ANKRD62: variants seen among roughly 807,000 people sequenced by gnomAD.
The protein encoded by ANKRD62 is ankyrin repeat domain-containing protein 62.
Under a neutral mutation model 98.8 loss-of-function variants are expected in ANKRD62, and 61 were observed. The ratio of observed to expected loss-of-function variants is 0.62; its 90% confidence interval spans 0.50 to 0.76. The LOEUF (loss-of-function observed/expected upper bound fraction) is 0.76. Ranked by LOEUF, ANKRD62 falls within the 30% of genes least tolerant of loss-of-function variation. The probability of loss-of-function intolerance (pLI) is 0.00; values close to 1 mark genes in which losing one functional copy is unlikely to be tolerated. For missense variants in ANKRD62, 933 were observed against 1,082.9 expected (o/e 0.86, Z 1.94); for synonymous variants, 341 against 367.9 (o/e 0.93, Z 0.84).
At chr18:12,107,507 T>C in intron 8 of ANKRD62, 40 bp downstream of exon 8, 1 of 1,340,750 alleles carries the variant, frequency 7.5e-7, no homozygotes, top group Non-Finnish European at 9.6e-7. Flanking sequence ...TCACTGTTAA[T>C]TGTACTATAA....
At chr18:12,138,983 T>G in the ANKRD62 span, among the ~76,000 whole-genome samples, 1 of 152,226 alleles carries the variant, frequency 6.6e-6, no homozygotes, top group African/African-American at 2.4e-5. Flanking sequence ...CTGATGGTTC[T>G]TGACTCTTTA....
downstream of ANKRD62, among the ~76,000 whole-genome samples, chr18:12,133,493 A>T (rs1278493743): frequency 2.0e-5 from 3 of 152,180 alleles, no homozygotes. Context: ...ACAATTTTAC[A>T]TTTCCACCAG....
chr18:12,164,205 T>C, the ANKRD62 span, among the ~76,000 whole-genome samples: 4 of 152,002 alleles, frequency 2.6e-5, no homozygotes, highest in Non-Finnish European at 5.9e-5. Context: ...GTTGTAGATA[T>C]TTTTTCATGA....
the ANKRD62 span, among the ~76,000 whole-genome samples, chr18:12,175,101 G>A: frequency 9.8e-5 from 15 of 152,368 alleles, no homozygotes; most frequent in South Asian, 3.1e-3. Context: ...ACACAGCTCA[G>A]GGAAGGGTAG....
chr18:12,172,492 A>G, the ANKRD62 span, among the ~76,000 whole-genome samples: 1 of 152,114 alleles, frequency 6.6e-6, no homozygotes, highest in Admixed American at 6.5e-5. Context: ...TGGAAGCTTC[A>G]TCTCAGAGGG....
chr18:12,114,368 G>A (rs770399648), intron 8 of ANKRD62, among the ~76,000 whole-genome samples: 2 of 152,154 alleles, frequency 1.3e-5, no homozygotes, highest in Non-Finnish European at 1.5e-5. Flanking sequence ...CAAATGGAAA[G>A]ATAATATGAA....
At chr18:12,123,110 G>A (rs1396734678) in intron 11 of ANKRD62, among the ~76,000 whole-genome samples, 1 of 152,040 alleles carries the variant, frequency 6.6e-6, no homozygotes, top group Non-Finnish European at 1.5e-5. Context: ...GTGCAGCGGC[G>A]AAATCTCGGC....
intron 10 of ANKRD62, among the ~76,000 whole-genome samples, chr18:12,118,170 T>C (rs913085523): frequency 7.9e-5 from 12 of 152,204 alleles, no homozygotes; most frequent in Admixed American, 1.3e-4. Flanking sequence ...TCATATACAT[T>C]ATTTTCACCT....
the ANKRD62 span, among the ~76,000 whole-genome samples, chr18:12,145,035 C>T: frequency 2.0e-5 from 3 of 151,762 alleles, no homozygotes; most frequent in South Asian, 2.1e-4. Context: ...CCCAGCTGCT[C>T]GGAAGGCTGA....
In ANKRD62 at chr18:12,099,634, G is replaced by A. The variant is rs1279765729; in HGVS notation, c.772G>A (p.Glu258Lys). ...ACATAGCATTCGTGGAATGATTTCT[G>A]AATATAAAGCAAACAAGAGATGTAA... The part of the protein sequence containing the change: ...KFQAIRGMIS[E>K]YKANKRCKSL... Residue 258 changes from glutamate to lysine, a missense_variant, in exon 6 of 14, where the codon GAA (glutamate) becomes AAA (lysine). Coordinates refer to ENST00000587848, the MANE Select transcript of ANKRD62 (RefSeq NM_001277333.2). 2.0e-6 allele frequency: 3 copies of A among 1,483,168 alleles called. 1 individual carries two copies. The highest frequency in any genetic ancestry group is 2.7e-5 in the South Asian group (2 of 73,804). The allele number at this position is 1,483,168 out of a possible 1,614,324, so 91.9% of individuals were successfully genotyped here. A position where few individuals can be genotyped will look rare whatever the true frequency, so the allele number is the denominator to read the frequency against.
intron 10 of ANKRD62, among the ~76,000 whole-genome samples, chr18:12,117,054 G>A (rs964844183): frequency 1.2e-4 from 19 of 152,048 alleles, no homozygotes; most frequent in African/African-American, 4.6e-4. Context: ...TGTTTATCAC[G>A]AGGGTATGGA....
the ANKRD62 span, among the ~76,000 whole-genome samples, chr18:12,140,751 G>C: frequency 0.065 from 9,876 of 152,216 alleles, 404 homozygotes; most frequent in Non-Finnish European, 0.1. Context: ...GTGTCAGTCC[G>C]CCCCTAGTTG....
chr18:12,155,010 C>CT, the ANKRD62 span, among the ~76,000 whole-genome samples: 2 of 152,238 alleles, frequency 1.3e-5, no homozygotes, highest in Admixed American at 1.3e-4. Flanking sequence ...GAAAAGATAA[C>CT]TATCAGGTAC....
chr18:12,167,097 C>A, the ANKRD62 span, among the ~76,000 whole-genome samples: 1 of 151,420 alleles, frequency 6.6e-6, no homozygotes, highest in Non-Finnish European at 1.5e-5. Context: ...TGTACATGTG[C>A]CACATTATTT....
chr18:12,118,616 A>G (rs1321091903), intron 10 of ANKRD62, among the ~76,000 whole-genome samples: 1 of 151,858 alleles, frequency 6.6e-6, no homozygotes. Flanking sequence ...CTTAAAAAAA[A>G]AAAAAAAAAA....
chr18:12,160,428 T>C, the ANKRD62 span, among the ~76,000 whole-genome samples: 2 of 152,194 alleles, frequency 1.3e-5, no homozygotes, highest in Non-Finnish European at 2.9e-5. Context: ...GTAATGTCTT[T>C]GATAATGCCT....
At chr18:12,119,615 T>A (rs1329962924) in intron 10 of ANKRD62, among the ~76,000 whole-genome samples, 1 of 152,122 alleles carries the variant, frequency 6.6e-6, no homozygotes, top group African/African-American at 2.4e-5. Flanking sequence ...TTGGCTCTCA[T>A]GATAAGACTA....
chr18:12,150,407 C>A, the ANKRD62 span, among the ~76,000 whole-genome samples: 5 of 152,298 alleles, frequency 3.3e-5, no homozygotes, highest in African/African-American at 9.6e-5. Flanking sequence ...TGACAACTTC[C>A]CCAAACTTGC....
the ANKRD62 span, among the ~76,000 whole-genome samples, chr18:12,172,926 G>A: frequency 0.61 from 93,359 of 152,112 alleles, 29,098 homozygotes; most frequent in Middle Eastern, 0.76. Flanking sequence ...GATATAATTT[G>A]CTGGTGTGCC....
Sources: gnomAD v4.1 joint callset for allele counts (sites outside exome capture counted in the v4.1 genomes callset) on GRCh38, gnomAD v4.1.1 for gene constraint, MANE v1.5 for transcripts, NCBI Gene and HGNC (gene_info 2026-07-23, HGNC 2026-07-21) for gene names.